DLGAP2: variants seen among roughly 807,000 people sequenced by gnomAD.
The protein encoded by DLGAP2 is disks large-associated protein 2.
DLGAP2 carries 26 observed loss-of-function variants against 100.3 expected under a neutral mutation model. The ratio of observed to expected loss-of-function variants is 0.26; its 90% CI spans 0.19 to 0.36. The LOEUF (loss-of-function observed/expected upper bound fraction) is 0.36, where lower values mean the gene tolerates loss of function less well. DLGAP2 is among the 10% of genes least tolerant of loss of function. The pLI is 1.00. For missense variants in DLGAP2, 1,858 were observed against 1,453.2 expected, an observed-to-expected ratio of 1.28 and a Z score of -4.53; for synonymous variants, 886 against 630.1, an observed-to-expected ratio of 1.41 and a Z score of -6.08.
chr8:1,616,554 A>G (rs1332909748), intron 6 of DLGAP2, among the ~76,000 whole-genome samples: 1 of 152,234 alleles, frequency 6.6e-6, no homozygotes, highest in African/African-American at 2.4e-5. Context: ...CCTTATTGTC[A>G]GAAGCAATGG....
chr8:1,430,810 C>T (rs984503319), intron 3 of DLGAP2, among the ~76,000 whole-genome samples: 2 of 152,286 alleles, frequency 1.3e-5, no homozygotes, highest in Middle Eastern at 3.4e-3. Flanking sequence ...CTTTAAAGGA[C>T]GACCCTGACA....
intron 1 of DLGAP2, among the ~76,000 whole-genome samples, chr8:885,711 G>A (rs760159541): frequency 1.3e-5 from 2 of 152,126 alleles, no homozygotes; most frequent in African/African-American, 2.4e-5. Context: ...GTTTTCAGAT[G>A]GAATGCTTCC....
chr8:846,119 T>G (rs1225644785), intron 1 of DLGAP2, among the ~76,000 whole-genome samples: 1 of 152,252 alleles, frequency 6.6e-6, no homozygotes, highest in Non-Finnish European at 1.5e-5. Context: ...CCTCAAACAT[T>G]GACCATTTCT....
chr8:1,491,987 C>G (rs767247070), intron 3 of DLGAP2, among the ~76,000 whole-genome samples: 1 of 152,218 alleles, frequency 6.6e-6, no homozygotes, highest in Non-Finnish European at 1.5e-5. Context: ...GCTCCGCTGT[C>G]GTGCGCCTTT....
At chr8:1,463,554 C>T (rs1032601174) in intron 3 of DLGAP2, among the ~76,000 whole-genome samples, 12 of 152,236 alleles carry the variant, frequency 7.9e-5, no homozygotes, top group Admixed American at 7.2e-4. Flanking sequence ...CGGGTGGCCC[C>T]GAGCTGGTCC....
chr8:1,418,546 G>A (rs556124104), intron 3 of DLGAP2, among the ~76,000 whole-genome samples: 1 of 152,034 alleles, frequency 6.6e-6, no homozygotes, highest in Non-Finnish European at 1.5e-5. Flanking sequence ...AGCTTCACCT[G>A]GCTGCCAGTG....
At chr8:1,529,830 A>G (rs1381454755) in intron 4 of DLGAP2, among the ~76,000 whole-genome samples, 7 of 152,238 alleles carry the variant, frequency 4.6e-5, no homozygotes, top group African/African-American at 1.7e-4. Flanking sequence ...AAAGCTGGGC[A>G]TCCGGGGAGA....
At chr8:1,027,942 G>A (rs1195344125) in intron 2 of DLGAP2, among the ~76,000 whole-genome samples, 1 of 147,304 alleles carries the variant, frequency 6.8e-6, no homozygotes, top group Non-Finnish European at 1.5e-5. Context: ...TTATTCTCCA[G>A]GTGCGGTGCC....
intron 2 of DLGAP2, among the ~76,000 whole-genome samples, chr8:1,083,112 TGA>T (rs1803864740): frequency 6.6e-6 from 1 of 152,292 alleles, no homozygotes; most frequent in African/African-American, 2.4e-5. Flanking sequence ...TATCTGTGTG[TGA>T]GAGAGGAGTA....
At chr8:1,266,458 C>G (rs929608052) in intron 3 of DLGAP2, among the ~76,000 whole-genome samples, 1 of 152,130 alleles carries the variant, frequency 6.6e-6, no homozygotes, top group Non-Finnish European at 1.5e-5. Flanking sequence ...TCCCCATCAA[C>G]CTGCTCTTTA....
chr8:1,069,867 C>A (rs1803374796), intron 2 of DLGAP2, among the ~76,000 whole-genome samples: 1 of 152,070 alleles, frequency 6.6e-6, no homozygotes, highest in African/African-American at 2.4e-5. Context: ...GCGGAAGAGG[C>A]CAGAAGCCAA....
chr8:1,273,269 G>A (rs1799618541), intron 3 of DLGAP2, among the ~76,000 whole-genome samples: 1 of 152,150 alleles, frequency 6.6e-6, no homozygotes, highest in Non-Finnish European at 1.5e-5. Flanking sequence ...AGAGGTGGGA[G>A]CAGTAGGAAG....
intron 3 of DLGAP2, among the ~76,000 whole-genome samples, chr8:1,370,773 G>T (rs1217300405): frequency 6.6e-6 from 1 of 152,162 alleles, no homozygotes; most frequent in Non-Finnish European, 1.5e-5. Context: ...GGCTCTGAGG[G>T]TTACCACTGC....
At chr8:1,666,984 C>T (rs141468174) in intron 8 of DLGAP2, among the ~76,000 whole-genome samples, 6 of 152,304 alleles carry the variant, frequency 3.9e-5, no homozygotes, top group African/African-American at 1.2e-4. Context: ...TCCTCACAGA[C>T]GGCGCTCAGA....
At chr8:1,012,378 C>T (rs891500955) in intron 2 of DLGAP2, among the ~76,000 whole-genome samples, 19 of 152,244 alleles carry the variant, frequency 1.2e-4, no homozygotes, top group African/African-American at 4.6e-4. Flanking sequence ...AGAAAGCGCC[C>T]GCGGCAAATG....
At chr8:1,175,441 A>G (rs1797232635) in intron 2 of DLGAP2, among the ~76,000 whole-genome samples, 1 of 152,230 alleles carries the variant, frequency 6.6e-6, no homozygotes, top group South Asian at 2.1e-4. Context: ...TCATTTATAA[A>G]AAGGAAACTA....
intron 2 of DLGAP2, among the ~76,000 whole-genome samples, chr8:945,847 T>A (rs2129006307): frequency 6.6e-6 from 1 of 152,194 alleles, no homozygotes; most frequent in Non-Finnish European, 1.5e-5. Context: ...TCTGCGTGTG[T>A]CTCTTTGCCT....
chr8:1,338,829 A>G (rs75504787), intron 3 of DLGAP2, among the ~76,000 whole-genome samples: 24,775 of 60,336 alleles, frequency 0.41, 7,548 homozygotes, highest in African/African-American at 0.75. Context: ...ACCTAAGGGA[A>G]GTGTCAGGAC....
chr8:1,547,564 G>T (rs1399072637), intron 4 of DLGAP2, among the ~76,000 whole-genome samples: 1 of 152,124 alleles, frequency 6.6e-6, no homozygotes, highest in Non-Finnish European at 1.5e-5. Flanking sequence ...CAGAGACCAG[G>T]GGAGCAACAG....
Sources: gnomAD v4.1 joint callset for allele counts (sites outside exome capture counted in the v4.1 genomes callset) on GRCh38, gnomAD v4.1.1 for gene constraint, MANE v1.5 for transcripts, NCBI Gene and HGNC (gene_info 2026-07-23, HGNC 2026-07-21) for gene names.